BEND2: variants seen among roughly 807,000 people sequenced by gnomAD.
BEND2 encodes the protein BEN domain containing 2, also known as BEN domain-containing protein 2.
In BEND2, 19 loss-of-function variants were observed where a neutral mutation model predicts 43.8. The ratio of observed to expected loss-of-function variants is 0.43; its 90% CI spans 0.30 to 0.64. The LOEUF (loss-of-function observed/expected upper bound fraction) is 0.64. Ranked by LOEUF, BEND2 falls within the 30% of genes least tolerant of loss-of-function variation. The pLI, the probability that BEND2 is intolerant of heterozygous loss-of-function variation, is 0.11. For missense variants in BEND2, 544 were observed against 574.0 expected (o/e 0.95, Z 0.53); for synonymous variants, 226 against 210.1 (o/e 1.08, Z -0.66).
chrX:18,202,149 T>C (rs1286283257), intron 5 of BEND2, among the ~76,000 whole-genome samples: 1 of 111,662 alleles, frequency 9.0e-6, no homozygotes, highest in African/African-American at 3.3e-5. Flanking sequence ...AGAAGGAATC[T>C]TGGAGCATCA....
At chrX:18,215,859 A>G (rs372852263) in intron 2 of BEND2, among the ~76,000 whole-genome samples, 14 of 112,254 alleles carry the variant, frequency 1.2e-4, no homozygotes, top group African/African-American at 4.5e-4. Context: ...CTAAGGAAGA[A>G]ATATTCCAAG....
chrX:18,191,814 G>A (rs1924780185), intron 7 of BEND2, among the ~76,000 whole-genome samples: 1 of 111,770 alleles, frequency 8.9e-6, no homozygotes, highest in African/African-American at 3.2e-5. Context: ...AAGTAAAACT[G>A]GGGACATCTC....
chrX:18,165,336 A>G, intron 13 of BEND2, 113 bp from the exon 14 acceptor site: 1 of 574,908 alleles, frequency 1.7e-6, no homozygotes, highest in East Asian at 3.4e-5. Context: ...TTAACACTTT[A>G]ATTAAACACA....
chrX:18,194,199 T>C (rs1440582683), intron 7 of BEND2, among the ~76,000 whole-genome samples: 2 of 111,800 alleles, frequency 1.8e-5, no homozygotes, highest in Non-Finnish European at 3.8e-5. Flanking sequence ...GTACAGCCTC[T>C]CTAGGAAACT....
In BEND2 at chrX:18,220,854, G is replaced by C; in HGVS notation, c.-104C>G. The C allele has an allele frequency of 1.1e-6, 1 of 912,951 alleles. No individual in the cohort carries two copies. The highest frequency in any genetic ancestry group is 1.5e-6 in the Non-Finnish European group (1 of 652,165). 75.2% of individuals were successfully genotyped at this position (912,951 alleles called of 1,213,427 possible). A position where few individuals can be genotyped will look rare whatever the true frequency, so the allele number is the denominator to read the frequency against. ...GAGGTAACTGCTTGGTAACTGTGTG[G>C]TAACTGCGTACACTCGTTGTCCGAG... On this transcript the variant is annotated 5_prime_UTR_variant, in exon 1 of 14. Transcript: ENST00000380033.
intron 11 of BEND2, 123 bp from the exon 12 acceptor site, chrX:18,174,381 T>A (rs1446470195): frequency 8.6e-6 from 5 of 579,996 alleles, no homozygotes. Flanking sequence ...AAAGGTGGGC[T>A]GAAGCCATAG....
chrX:18,176,431 T>C (rs986691259), intron 10 of BEND2, among the ~76,000 whole-genome samples: 1 of 103,471 alleles, frequency 9.7e-6, no homozygotes, highest in Non-Finnish European at 2.0e-5. Context: ...GTAACCCCAG[T>C]GTTTTGGGAG....
At chrX:18,201,710 C>A in intron 6 of BEND2, 105 bp downstream of exon 6, 1 of 943,387 alleles carries the variant, frequency 1.1e-6, no homozygotes, top group South Asian at 2.9e-5. Context: ...TCAGGCTGGT[C>A]TCAAACTTCT....
intron 7 of BEND2, 71 bp downstream of exon 7, chrX:18,195,225 G>A (rs779630664): frequency 6.9e-4 from 739 of 1,068,937 alleles, no homozygotes; most frequent in Non-Finnish European, 8.7e-4. Flanking sequence ...CTACCACTAA[G>A]AATTAATATT....
At chrX:18,193,385 G>A (rs1924840388) in intron 7 of BEND2, among the ~76,000 whole-genome samples, 1 of 111,260 alleles carries the variant, frequency 9.0e-6, no homozygotes, top group South Asian at 3.8e-4. Context: ...AGACATCTTG[G>A]TAATCATGGA....
In BEND2 at chrX:18,194,906, G is replaced by T. The variant is rs2080373332; in HGVS notation, c.1180+390C>A. Among the ~76,000 whole-genome samples, 4 of 109,240 alleles carry T rather than the reference G, an allele frequency of 3.7e-5. No individual in the cohort carries two copies. The Admixed American group carries it at 4.0e-4, about 11-fold the overall frequency. The allele number at this position is 109,240 out of a possible 115,157, so 94.9% of individuals were successfully genotyped here. ...AACAGTGCCTCATGCTGATGGAAAT[G>T]ATCTCTACCTTGACTGTGGTGGTGG... On this transcript the variant is annotated intron_variant, in intron 7 of 13. Transcript: ENST00000380033.
At chrX:18,182,768 G>A (rs1022835353) in intron 8 of BEND2, among the ~76,000 whole-genome samples, 2 of 111,203 alleles carry the variant, frequency 1.8e-5, no homozygotes, top group East Asian at 5.7e-4. Flanking sequence ...GGCCGGGCAC[G>A]GGGGGCTTAT....
At position 18,220,876 on chromosome X, in the gene BEND2, C is replaced by T; in HGVS notation, c.-126G>A. ...GTGGTAACTGCGTACACTCGTTGTC[C>T]GAGGCACAATGAGGCCCGGGCAGGA... On this transcript the variant is annotated 5_prime_UTR_variant, in exon 1 of 14. Transcript: ENST00000380033. 5 of 807,289 alleles carry T rather than the reference C, an allele frequency of 6.2e-6. No individual in the cohort carries two copies. The highest frequency in any genetic ancestry group is 2.7e-5 in the South Asian group (1 of 37,580). 66.5% of individuals were successfully genotyped at this position (807,289 alleles called of 1,213,427 possible).
In BEND2 at chrX:18,164,166, G is replaced by T. The variant is rs145388811; in HGVS notation, c.*843C>A. On this transcript the variant is annotated 3_prime_UTR_variant, in exon 14 of 14. Transcript: ENST00000380033. ...GCCACCCGAGTAACTGGGACTACAG[G>T]TGCTTGCCACCATGCCTGGCTACTT... The T allele has an allele frequency of 9.0e-6, 1 of 110,870 alleles. No homozygotes were observed. 9.1% of individuals were successfully genotyped at this position (110,870 alleles called of 1,213,427 possible). A position where few individuals can be genotyped will look rare whatever the true frequency, so the allele number is the denominator to read the frequency against.
intron 6 of BEND2, 83 bp downstream of exon 6, chrX:18,201,732 A>AT: frequency 9.7e-7 from 1 of 1,035,674 alleles, no homozygotes. Flanking sequence ...ATGTCAGGTG[A>AT]TGCACCCGCC....
chrX:18,219,676 C>T (rs745915992), intron 1 of BEND2, among the ~76,000 whole-genome samples: 1 of 112,049 alleles, frequency 8.9e-6, no homozygotes, highest in Non-Finnish European at 1.9e-5. Flanking sequence ...GAGACTGAGG[C>T]GGGAGCATTG....
At chrX:18,173,397 C>G (rs183858695) in intron 12 of BEND2, among the ~76,000 whole-genome samples, 73 of 112,126 alleles carry the variant, frequency 6.5e-4, no homozygotes, top group Non-Finnish European at 1.1e-3. Context: ...TCAATAATTT[C>G]GTTTGAAAAG....
rs1925852229 is a variant in BEND2, at chrX:18,220,852, T to C, written c.-102A>G. On this transcript the variant is annotated 5_prime_UTR_variant, in exon 1 of 14. Coordinates refer to ENST00000380033, the MANE Select transcript of BEND2 (RefSeq NM_153346.5). The stretch of plus-strand genomic sequence containing the variant: ...CTGAGGTAACTGCTTGGTAACTGTG[T>C]GGTAACTGCGTACACTCGTTGTCCG... The C allele has an allele frequency of 1.1e-6, 1 of 932,308 alleles. No individual in the cohort carries two copies. The highest frequency in any genetic ancestry group is 2.3e-5 in the South Asian group (1 of 43,767). 76.8% of individuals were successfully genotyped at this position (932,308 alleles called of 1,213,427 possible). A position where few individuals can be genotyped will look rare whatever the true frequency, so the allele number is the denominator to read the frequency against.
At chrX:18,192,781 C>T (rs942461905) in intron 7 of BEND2, among the ~76,000 whole-genome samples, 1 of 111,995 alleles carries the variant, frequency 8.9e-6, no homozygotes, top group African/African-American at 3.2e-5. Flanking sequence ...TTAAGGACCA[C>T]TCATACATCC....
Sources: allele counts gnomAD v4.1 joint callset (sites outside exome capture counted in the v4.1 genomes callset), GRCh38; gene constraint gnomAD v4.1.1; transcripts MANE v1.5; gene names NCBI Gene and HGNC (gene_info 2026-07-23, HGNC 2026-07-21).